Variants in ICE1 observed in about 807,000 individuals in gnomAD.
The protein encoded by ICE1 is little elongation complex subunit 1.
ICE1 carries 64 observed loss-of-function variants against 192.7 expected under a neutral mutation model. The ratio of observed to expected loss-of-function variants is 0.33; its 90% CI spans 0.27 to 0.41. The LOEUF (loss-of-function observed/expected upper bound fraction) is 0.41, where lower values mean the gene tolerates loss of function less well. Among genes scored for constraint, ICE1 ranks in the 10% least tolerant of loss-of-function variants. ICE1 has a pLI of 1.00. For missense variants in ICE1, 2,708 were observed against 2,696.0 expected, an observed-to-expected ratio of 1.00 and a Z score of -0.10; for synonymous variants, 1,010 against 984.5, an observed-to-expected ratio of 1.03 and a Z score of -0.49.
chr5:5,460,850 C>T lies in ICE1; in HGVS notation c.1516C>T (p.Arg506Ter), dbSNP rs1202032164. ...TGAGAAGACCATTCATAAACTCACT[C>T]GAGGTCTATGCATTGAGAGATTGTC... ...QTEKTIHKLT[R>*]GLCIERLSAS... Residue 506 changes from arginine (R) to a stop codon, truncating the protein, a stop_gained, in exon 13 of 19, where the codon CGA becomes TGA. Transcript: ENST00000296564. LOFTEE classifies it high-confidence loss of function. The T allele has an allele frequency of 1.9e-6, 3 of 1,614,012 alleles. No homozygotes were observed. The highest frequency in any genetic ancestry group is 1.7e-6 in the Non-Finnish European group (2 of 1,179,898).
At chr5:5,480,798 A>G (rs1739482647) in intron 17 of ICE1, among the ~76,000 whole-genome samples, 1 of 152,256 alleles carries the variant, frequency 6.6e-6, no homozygotes, top group Non-Finnish European at 1.5e-5. Flanking sequence ...TTCACTGGAA[A>G]TAACCAATAA....
intron 15 of ICE1, among the ~76,000 whole-genome samples, chr5:5,471,806 T>A (rs942121222): frequency 1.3e-5 from 2 of 152,168 alleles, no homozygotes; most frequent in Non-Finnish European, 2.9e-5. Context: ...AGTTAGGGAT[T>A]CCTGCTGTAA....
chr5:5,438,875 AAAT>A (rs1737955960), intron 3 of ICE1, among the ~76,000 whole-genome samples: 1 of 152,228 alleles, frequency 6.6e-6, no homozygotes, highest in Non-Finnish European at 1.5e-5. Context: ...ACCTTTAAAA[AAAT>A]ATGTTTCACA....
rs1405483665 is a variant in ICE1 at position 5,462,067 on chromosome 5, A to C, written c.2733A>C (p.Thr911=). 2 of 1,613,868 alleles carry C rather than the reference A, an allele frequency of 1.2e-6. No individual in the cohort carries two copies. The highest frequency in any genetic ancestry group is 2.7e-5 in the African/African-American group (2 of 74,954). ...VAKCDGERDD[T]TQNITEVAAV... is the part of the protein sequence containing the mutation. ...AATGTGATGGGGAAAGAGATGATAC[A>C]ACACAAAACATCACGGAGGTGGCTG... Residue 911 remains threonine, a synonymous_variant, in exon 13 of 19, where the codon ACA becomes ACC. Transcript: ENST00000296564.
At position 5,487,534 on chromosome 5, in the gene ICE1, A is replaced by C. The variant is rs547398311; in HGVS notation, c.6619+715A>C. ...TTCAGCTTTCAGTGGGAGACTGTAT[A>C]TTTAGCTTAATGAGAACAGTGTTTC... On this transcript the variant is annotated intron_variant, in intron 18 of 18. Transcript: ENST00000296564. Among the ~76,000 whole-genome samples, 8 of 152,338 alleles carry C rather than the reference A, an allele frequency of 5.3e-5. No individual in the cohort carries two copies. The East Asian group carries it at 1.3e-3, about 26-fold the overall frequency.
In ICE1 at chr5:5,463,978, A is replaced by G. The variant is rs746590064; in HGVS notation, c.4644A>G (p.Pro1548=). 1.9e-6 allele frequency: 3 copies of G among 1,613,928 alleles called. No homozygotes were observed. Among genetic ancestry groups the G allele is most frequent in the East Asian group, 2.2e-5 (1 of 44,882 alleles). The part of the protein sequence containing the change: ...DHTYYNSKLE[P]SGKNKNRSKI... Reference sequence around the variant, plus strand: ...CATATTATAACTCAAAACTAGAGCCATCTGGCAAAAATAAGAATCGATCAA... The same window carrying G: ...CATATTATAACTCAAAACTAGAGCCGTCTGGCAAAAATAAGAATCGATCAA... Residue 1548 remains proline, a synonymous_variant, in exon 13 of 19, where the codon CCA becomes CCG. Transcript: ENST00000296564.
intron 15 of ICE1, among the ~76,000 whole-genome samples, chr5:5,469,985 G>C (rs1345195441): frequency 6.6e-6 from 1 of 152,126 alleles, no homozygotes; most frequent in Non-Finnish European, 1.5e-5. Flanking sequence ...CCTGCTTCTG[G>C]AAGGTTACCT....
In ICE1 at chr5:5,422,991, C is replaced by T. The variant is rs1561067398; in HGVS notation, c.76C>T (p.Leu26=). The part of the protein sequence containing the change: ...DLSRCQGCAS[L]QQNLNEYVEA... The stretch of plus-strand genomic sequence containing the variant: ...GTCGCGATGTCAGGGCTGCGCCTCT[C>T]TGCAGCAGGTGCAGCACCTCCCGGG... Residue 26 remains leucine (L), a synonymous_variant, in exon 1 of 19, where the codon CTG becomes TTG. Transcript: ENST00000296564. 3.5e-6 allele frequency: 5 copies of T among 1,441,734 alleles called. No individual in the cohort carries two copies. The highest frequency in any genetic ancestry group is 9.1e-7 in the Non-Finnish European group (1 of 1,097,904). 89.3% of individuals were successfully genotyped at this position (1,441,734 alleles called of 1,614,324 possible). A position where few individuals can be genotyped will look rare whatever the true frequency, so the allele number is the denominator to read the frequency against.
chr5:5,479,980 G>A (rs560408292), intron 17 of ICE1, among the ~76,000 whole-genome samples: 130 of 152,140 alleles, frequency 8.5e-4, no homozygotes, highest in Non-Finnish European at 1.1e-3. Context: ...ACAAATACCT[G>A]TGGGACTTAA....
chr5:5,458,493 C>G (rs1738651424), intron 12 of ICE1, among the ~76,000 whole-genome samples: 1 of 152,148 alleles, frequency 6.6e-6, no homozygotes, highest in South Asian at 2.1e-4. Context: ...AAAAGCAGCT[C>G]AGTCCTGAAT....
chr5:5,473,260 TTC>T (rs1739218072), intron 15 of ICE1, among the ~76,000 whole-genome samples: 1 of 152,210 alleles, frequency 6.6e-6, no homozygotes, highest in South Asian at 2.1e-4. Context: ...CTAACTTTAA[TTC>T]TCTAATTTGA....
chr5:5,452,186 T>G (rs561323636), intron 10 of ICE1, among the ~76,000 whole-genome samples: 1 of 139,716 alleles, frequency 7.2e-6, no homozygotes, highest in South Asian at 2.2e-4. Context: ...TTTTTTTTTG[T>G]ACTGGAGGCC....
At chr5:5,465,247 A>G (rs762765987) in intron 13 of ICE1, 21 bp downstream of exon 13, 45 of 1,500,100 alleles carry the variant, frequency 3.0e-5, no homozygotes, top group Admixed American at 1.6e-4. Context: ...GCTCTTTTCT[A>G]AGTGCATTAG....
intron 1 of ICE1, among the ~76,000 whole-genome samples, chr5:5,425,456 A>G (rs1049301680): frequency 1.8e-4 from 27 of 152,194 alleles, no homozygotes; most frequent in Admixed American, 1.1e-3. Flanking sequence ...GAAACATTAT[A>G]AACACTGGAG....
chr5:5,463,176 A>G lies in ICE1; in HGVS notation c.3842A>G (p.Asp1281Gly). The G allele has an allele frequency of 6.2e-7, 1 of 1,612,114 alleles. No individual in the cohort carries two copies. Among genetic ancestry groups the G allele is most frequent in the Non-Finnish European group, 8.5e-7 (1 of 1,179,192 alleles). ...QTNSEDCNGK[D>G]TGSLLLLNVN... ...AATTCTGAAGATTGCAATGGTAAAG[A>G]TACTGGCAGTTTATTGCTCTTAAAT... Residue 1281 changes from aspartate (D) to glycine (G), a missense_variant, in exon 13 of 19, where the codon GAT becomes GGT. This residue lies in a region of ICE1 where 2,366 missense variants were observed against 2,276.6 expected (regional missense o/e 1.04). Coordinates refer to ENST00000296564, the MANE Select transcript of ICE1 (RefSeq NM_015325.3).
Position 5,424,780 on chromosome 5 carries a change from C to T in ICE1, c.84+1781C>T, listed in dbSNP as rs372063030. 5.3e-4 allele frequency among the ~76,000 whole-genome samples: 81 copies of T among 152,278 alleles called. 2 individuals carry two copies. The South Asian group carries it at 0.015, about 28-fold the overall frequency. On this transcript the variant is annotated intron_variant, in intron 1 of 18. Transcript: ENST00000296564. ...AATCTTGGAAGAAAAGTCTCCCATACAGTGGAAACATCAGATGTGAAGAAC... is the reference window on the plus strand; with the variant it reads ...AATCTTGGAAGAAAAGTCTCCCATATAGTGGAAACATCAGATGTGAAGAAC...
Position 5,460,499 on chromosome 5 carries a change from G to T in ICE1, c.1165G>T (p.Ala389Ser). 1.2e-6 allele frequency: 2 copies of T among 1,612,110 alleles called. No individual in the cohort carries two copies. Among genetic ancestry groups the T allele is most frequent in the Non-Finnish European group, 1.7e-6 (2 of 1,178,906 alleles). Reference sequence around the variant, plus strand: ...TGACTCAGTCCAGCTTAGAAATTCTGCTGAGTGTGTTTCAGAAGATGATAC... The same window carrying T: ...TGACTCAGTCCAGCTTAGAAATTCTTCTGAGTGTGTTTCAGAAGATGATAC... ...DNDSVQLRNS[A>S]ECVSEDDTTE... The change falls in exon 13 of 19, where the codon GCT (alanine) becomes TCT (serine). Residue 389 changes from alanine (A) to serine (S), a missense_variant. Physicochemically the swap from Ala to Ser is moderately conservative, Grantham distance 99. This residue lies in a region of ICE1 where 2,366 missense variants were observed against 2,276.6 expected (regional missense o/e 1.04). Transcript: ENST00000296564.
chr5:5,426,690 G>A (rs1006465640), intron 1 of ICE1, among the ~76,000 whole-genome samples: 15 of 152,216 alleles, frequency 9.9e-5, no homozygotes, highest in African/African-American at 3.6e-4. Context: ...AACAGGGAGT[G>A]CGTTCCAGAG....
At chr5:5,487,287 G>A (rs1739662238) in intron 18 of ICE1, among the ~76,000 whole-genome samples, 1 of 152,102 alleles carries the variant, frequency 6.6e-6, no homozygotes, top group African/African-American at 2.4e-5. Context: ...GCTTCGTAGT[G>A]GGGATTTCTA....
Sources: gnomAD v4.1 joint callset for allele counts (sites outside exome capture counted in the v4.1 genomes callset) on GRCh38, gnomAD v4.1.1 for gene constraint, gnomAD v4.1.1 regional missense constraint, MANE v1.5 for transcripts, NCBI Gene and HGNC (gene_info 2026-07-23, HGNC 2026-07-21) for gene names.